Variants in DEF8 observed in about 807,000 individuals in gnomAD.
The protein encoded by DEF8 is differentially expressed in FDCP 8 homolog.
Under a neutral mutation model 59.1 loss-of-function variants are expected in DEF8, and 38 were observed. The ratio of observed to expected loss-of-function variants is 0.64; its 90% CI spans 0.50 to 0.84. The LOEUF (loss-of-function observed/expected upper bound fraction) is 0.84. Ranked by LOEUF, DEF8 falls within the 40% of genes least tolerant of loss-of-function variation. The pLI is 0.00. For synonymous variants in DEF8, 265 were observed against 250.1 expected (o/e 1.06, Z -0.56); for missense variants, 557 against 615.2 (o/e 0.91, Z 1.00).
Position 89,965,925 on chromosome 16 carries a change from T to G in DEF8, c.1318T>G (p.Ser440Ala). 1 of 1,613,616 alleles carries G rather than the reference T, an allele frequency of 6.2e-7. No homozygotes were observed. Among genetic ancestry groups the G allele is most frequent in the Non-Finnish European group, 8.5e-7 (1 of 1,179,756 alleles). The stretch of plus-strand genomic sequence containing the variant: ...TGCCCGGCTCAGCCTGAGGAAGCAG[T>G]CGCTCTTCCAGGAGCCAGGTCCCGA... ...KCARLSLRKQ[S>A]LFQEPGPDVE... Residue 440 changes from serine to alanine, a missense_variant, in exon 13 of 13, where the codon TCG becomes GCG. Transcript: ENST00000563594.
intron 12 of DEF8, 43 bp from the exon 13 acceptor site, chr16:89,965,818 G>A (rs771502007): frequency 7.3e-7 from 1 of 1,376,210 alleles, no homozygotes; most frequent in Non-Finnish European, 1.0e-6. Flanking sequence ...ATTCAGTGCT[G>A]GAGTTTCCTG....
Position 89,964,223 on chromosome 16 carries a change from C to A in DEF8, c.1056C>A (p.Asp352Glu), listed in dbSNP as rs2034391562. Residue 352 changes from aspartate (D) to glutamate (E), a missense_variant, in exon 11 of 13, where the codon GAC becomes GAA. By Grantham distance (45) the Asp-to-Glu change is conservative. Coordinates refer to ENST00000563594, the MANE Select transcript of DEF8 (RefSeq NM_001242818.2). ...ACGACGAGATGTACTCTGTCCAGGACCTCCTGGACGTGCATGCCGGCCGCC... is the reference window on the plus strand; with the variant it reads ...ACGACGAGATGTACTCTGTCCAGGAACTCCTGGACGTGCATGCCGGCCGCC... ...VENDEMYSVQ[D>E]LLDVHAGRLG... 6.2e-7 allele frequency: 1 copy of A among 1,613,616 alleles called. No homozygotes were observed.
rs755438129 is a variant in DEF8, at chr16:89,963,449, AC to A, written c.1002+7del. ...AGGCTCGTCTGCTGCTGCAGGTCAGACTGCCAGCAGGACTGGCCCCCGATGG... is the reference window on the plus strand; with the variant it reads ...AGGCTCGTCTGCTGCTGCAGGTCAGATGCCAGCAGGACTGGCCCCCGATGG... On this transcript the variant is annotated splice_region_variant and intron_variant, in intron 10 of 12. Transcript: ENST00000563594. 1.5e-5 allele frequency: 24 copies of A among 1,612,256 alleles called. No individual in the cohort carries two copies. In the African/African-American group the frequency reaches 2.1e-4, roughly 14 times the overall value.
intron 6 of DEF8, among the ~76,000 whole-genome samples, chr16:89,959,777 G>A (rs909179591): frequency 6.6e-6 from 1 of 152,238 alleles, no homozygotes; most frequent in African/African-American, 2.4e-5. Flanking sequence ...GATTACAGGC[G>A]TGAGCCACCA....
At chr16:89,963,970 A>T in intron 10 of DEF8, 200 bp from the exon 11 acceptor site, 1 of 710,774 alleles carries the variant, frequency 1.4e-6, no homozygotes, top group Non-Finnish European at 2.5e-6. Context: ...GCGGGGGGCT[A>T]CACAGGTCAG....
At chr16:89,952,866 G>A (rs913448282) in intron 2 of DEF8, among the ~76,000 whole-genome samples, 1 of 152,232 alleles carries the variant, frequency 6.6e-6, no homozygotes, top group East Asian at 1.9e-4. Context: ...CATAGGTGGT[G>A]TGGAGTCTTG....
rs2032865340 is a variant in DEF8, at chr16:89,954,850, G to C, written c.125-319G>C. ...GTAGCCATGCAGTGGTTTTTCTCTC[G>C]CCCCCGTGGTCACGCATGAGGTGTC... On this transcript the variant is annotated intron_variant, in intron 3 of 12. Transcript: ENST00000563594. This position sits in a 1 kb window ranked among gnomAD's most constrained non-coding sequence, Gnocchi z 4.3. Among the ~76,000 whole-genome samples the C allele has an allele frequency of 6.6e-6, 1 of 151,954 alleles. No individual in the cohort carries two copies. The highest frequency in any genetic ancestry group is 2.4e-5 in the African/African-American group (1 of 41,292).
intron 9 of DEF8, among the ~76,000 whole-genome samples, chr16:89,962,529 T>C (rs1248869080): frequency 6.6e-6 from 1 of 151,972 alleles, no homozygotes. Context: ...TGGTGGTGTG[T>C]GCCTGTATCC....
In DEF8 at chr16:89,954,657, G is replaced by A. The variant is rs934964872; in HGVS notation, c.124+281G>A. 2.6e-5 allele frequency among the ~76,000 whole-genome samples: 4 copies of A among 152,278 alleles called. No individual in the cohort carries two copies. The South Asian group carries it at 8.3e-4, about 32-fold the overall frequency. ...TGCTCAGGGAACACTTGCTGAGTGC[G>A]GTCAGCGCTGAGACCTGGTAAGGGA... On this transcript the variant is annotated intron_variant, in intron 3 of 12. Transcript: ENST00000563594. This position sits in a 1 kb window ranked among gnomAD's most constrained non-coding sequence, Gnocchi z 4.3.
intron 4 of DEF8, among the ~76,000 whole-genome samples, chr16:89,955,977 G>T (rs927304220): frequency 1.8e-4 from 27 of 152,124 alleles, no homozygotes; most frequent in African/African-American, 6.0e-4. Context: ...GGAGGCTGAG[G>T]TAGGAGAATG....
chr16:89,963,457 C>G lies in DEF8; in HGVS notation c.1002+14C>G. 1 of 1,608,910 alleles carries G rather than the reference C, an allele frequency of 6.2e-7. No homozygotes were observed. Among genetic ancestry groups the G allele is most frequent in the Non-Finnish European group, 8.5e-7 (1 of 1,177,124 alleles). ...CTGCTGCTGCAGGTCAGACTGCCAG[C>G]AGGACTGGCCCCCGATGGGAAGCGC... On this transcript the variant is annotated intron_variant, in intron 10 of 12. Coordinates refer to ENST00000563594, the MANE Select transcript of DEF8 (RefSeq NM_001242818.2).
Position 89,967,108 on chromosome 16 carries a change from G to A in DEF8, c.*1145G>A, listed in dbSNP as rs1212999518. ...GCACTTTACAGATCCTGCGGTCCAC[G>A]AGGGGCCTCAGGAGAGGACGTGTCA... On this transcript the variant is annotated 3_prime_UTR_variant, in exon 13 of 13. Coordinates refer to ENST00000563594, the MANE Select transcript of DEF8 (RefSeq NM_001242818.2). 7.6e-6 allele frequency: 3 copies of A among 395,640 alleles called. No homozygotes were observed. Among genetic ancestry groups the A allele is most frequent in the East Asian group, 3.6e-5 (1 of 27,932 alleles). The allele number at this position is 395,640 out of a possible 1,614,324, so 24.5% of individuals were successfully genotyped here.
chr16:89,955,933 C>T (rs1430983192), intron 4 of DEF8, among the ~76,000 whole-genome samples: 3 of 151,404 alleles, frequency 2.0e-5, no homozygotes, highest in African/African-American at 4.9e-5. Flanking sequence ...ATCAGCCGGG[C>T]GTGGTGGCAC....
At chr16:89,964,110 G>A in intron 10 of DEF8, 60 bp from the exon 11 acceptor site, 1 of 1,611,194 alleles carries the variant, frequency 6.2e-7, no homozygotes, top group South Asian at 1.1e-5. Context: ...AGCGACCATG[G>A]GTGGGCGGTG....
chr16:89,958,579 G>T (rs1282576576), intron 5 of DEF8: 6 of 188,366 alleles, frequency 3.2e-5, no homozygotes, highest in Middle Eastern at 2.5e-3. Context: ...TAGTGGCTTA[G>T]AGAAGATGTG....
At position 89,957,645 on chromosome 16, in the gene DEF8, G is replaced by A. The variant is rs1223541496; in HGVS notation, c.357G>A (p.Lys119=). 4.5e-6 allele frequency: 7 copies of A among 1,563,578 alleles called. No homozygotes were observed. The highest frequency in any genetic ancestry group is 6.1e-6 in the Non-Finnish European group (7 of 1,153,912). The change falls in exon 5 of 13, where the codon AAG becomes AAA. Residue 119 remains lysine, a synonymous_variant. Coordinates refer to ENST00000563594, the MANE Select transcript of DEF8 (RefSeq NM_001242818.2). ...TGCGACTCATCCACCTCCGGCTGAA[G>A]CTCCAGGAGCTGAAGGTGGGTGTGG... ...AVVRLIHLRL[K]LQELKDPNED...
chr16:89,949,898 G>A (rs1433135109), intron 2 of DEF8, among the ~76,000 whole-genome samples: 2 of 152,148 alleles, frequency 1.3e-5, no homozygotes, highest in East Asian at 3.9e-4. Context: ...GCAGGCTGGC[G>A]TTCTGCTCAG....
In DEF8 at chr16:89,951,039, G is replaced by A. The variant is rs151303025; in HGVS notation, c.-11+1526G>A. 2.2e-4 allele frequency among the ~76,000 whole-genome samples: 34 copies of A among 152,226 alleles called. No individual in the cohort carries two copies. In the South Asian group the frequency reaches 4.8e-3, roughly 21 times the overall value. ...ATTTATTGGGTGCTTACTATGTGCCGGCCAGTGTTCTCTGAACTTAGTATT... is the reference window on the plus strand; with the variant it reads ...ATTTATTGGGTGCTTACTATGTGCCAGCCAGTGTTCTCTGAACTTAGTATT... On this transcript the variant is annotated intron_variant, in intron 2 of 12. Transcript: ENST00000563594.
rs367569003 is a variant in DEF8 at position 89,965,900 on chromosome 16, T to C, written c.1293T>C (p.Cys431=). The C allele has an allele frequency of 2.5e-5, 40 of 1,613,570 alleles. No individual in the cohort carries two copies. The highest frequency in any genetic ancestry group is 3.3e-5 in the Admixed American group (2 of 59,978). Residue 431 remains cysteine, a synonymous_variant, in exon 13 of 13, where the codon TGT becomes TGC. Transcript: ENST00000563594. Reference sequence around the variant, plus strand: ...ACAACTCCACCACTTGTCCCAAGTGTGCCCGGCTCAGCCTGAGGAAGCAGT... The same window carrying C: ...ACAACTCCACCACTTGTCCCAAGTGCGCCCGGCTCAGCCTGAGGAAGCAGT... The part of the protein sequence containing the change: ...YYDNSTTCPK[C]ARLSLRKQSL...
Sources: gnomAD v4.1 joint callset for allele counts (sites outside exome capture counted in the v4.1 genomes callset) on GRCh38, gnomAD v4.1.1 for gene constraint, Gnocchi (gnomAD v3.1) non-coding constraint, MANE v1.5 for transcripts, NCBI Gene and HGNC (gene_info 2026-07-23, HGNC 2026-07-21) for gene names.